The following INO80D variants were observed in gnomAD, a reference collection of about 807,000 sequenced individuals.
INO80D encodes the protein INO80 complex subunit D.
In INO80D, 21 loss-of-function variants were observed where a neutral mutation model predicts 87.6. That is an observed-to-expected ratio of 0.24 (90% CI 0.17 to 0.35). The LOEUF is 0.35. Among genes scored for constraint, INO80D ranks in the 10% least tolerant of loss-of-function variants. The pLI is 1.00. For synonymous variants in INO80D, 440 were observed against 491.0 expected (o/e 0.90, Z 1.37); for missense variants, 982 against 1,280.7 (o/e 0.77, Z 3.56).
chr2:206,079,450 T>C (rs1244142982), intron 1 of INO80D, among the ~76,000 whole-genome samples: 1 of 152,176 alleles, frequency 6.6e-6, no homozygotes. Context: ...TAAGAACCAC[T>C]GACTAGCCCA....
At chr2:206,025,389 G>A (rs572036129) in intron 6 of INO80D, among the ~76,000 whole-genome samples, 12 of 150,958 alleles carry the variant, frequency 7.9e-5, no homozygotes, top group Admixed American at 2.0e-4. Context: ...TTAGCCAAGC[G>A]TGGTGGCGGG....
intron 7 of INO80D, 26 bp downstream of exon 7, chr2:206,019,710 C>A: frequency 6.4e-7 from 1 of 1,562,996 alleles, no homozygotes; most frequent in Non-Finnish European, 8.8e-7. Context: ...TTTTTCAATG[C>A]ACATTCCATT....
intron 5 of INO80D, among the ~76,000 whole-genome samples, chr2:206,034,503 T>C (rs1380378669): frequency 6.6e-6 from 1 of 152,120 alleles, no homozygotes; most frequent in African/African-American, 2.4e-5. Context: ...CACATGATCA[T>C]CTCAATAGAT....
intron 1 of INO80D, among the ~76,000 whole-genome samples, chr2:206,068,740 C>T (rs902005151): frequency 6.6e-6 from 1 of 151,986 alleles, no homozygotes; most frequent in Non-Finnish European, 1.5e-5. Context: ...CACTCTGTCA[C>T]CTAGGTTGGA....
At chr2:206,076,210 A>C (rs1690112244) in intron 1 of INO80D, among the ~76,000 whole-genome samples, 1 of 152,150 alleles carries the variant, frequency 6.6e-6, no homozygotes. Flanking sequence ...AAAATAAATA[A>C]AACTAACATG....
intron 6 of INO80D, among the ~76,000 whole-genome samples, chr2:206,026,046 C>T (rs1403776270): frequency 1.3e-5 from 2 of 151,920 alleles, no homozygotes; most frequent in Non-Finnish European, 2.9e-5. Context: ...TACAGGTGCA[C>T]GCCACCACAC....
At chr2:206,023,949 A>G (rs1007940142) in intron 6 of INO80D, among the ~76,000 whole-genome samples, 2 of 152,188 alleles carry the variant, frequency 1.3e-5, no homozygotes, top group African/African-American at 4.8e-5. Flanking sequence ...AGATATATAC[A>G]GTTTTCCACA....
rs1687862190 is a variant in INO80D at position 205,999,198 on chromosome 2, C to T, written c.*5170G>A. 6.6e-6 allele frequency: 1 copy of T among 152,280 alleles called. No individual in the cohort carries two copies. Among genetic ancestry groups the T allele is most frequent in the African/African-American group, 2.4e-5 (1 of 41,398 alleles). The allele number at this position is 152,280 out of a possible 1,614,324, so 9.4% of individuals were successfully genotyped here. ...AGCTTAAAAAACAAACAAACAAAAACAAACAAACGAAGAAAAAAGAAACAA... is the reference window on the plus strand; with the variant it reads ...AGCTTAAAAAACAAACAAACAAAAATAAACAAACGAAGAAAAAAGAAACAA... On this transcript the variant is annotated 3_prime_UTR_variant, in exon 11 of 11. Coordinates refer to ENST00000403263, the MANE Select transcript of INO80D (RefSeq NM_017759.5).
At chr2:206,035,223 C>T (rs751494818) in intron 5 of INO80D, among the ~76,000 whole-genome samples, 7 of 151,976 alleles carry the variant, frequency 4.6e-5, no homozygotes, top group Admixed American at 2.6e-4. Flanking sequence ...TCATTCTTCA[C>T]AAAATTAGAA....
At chr2:206,050,934 AC>A (rs1231567258) in intron 4 of INO80D, among the ~76,000 whole-genome samples, 2 of 151,818 alleles carry the variant, frequency 1.3e-5, no homozygotes, top group Admixed American at 1.3e-4. Flanking sequence ...CCGCCACTGC[AC>A]TACAGCCCGG....
At chr2:206,037,635 A>G (rs566465894) in intron 5 of INO80D, among the ~76,000 whole-genome samples, 79 of 152,334 alleles carry the variant, frequency 5.2e-4, no homozygotes, top group African/African-American at 1.8e-3. Flanking sequence ...TGTAATTAGT[A>G]CAGCCTCTAT....
chr2:206,080,683 G>A (rs547407177), intron 1 of INO80D, among the ~76,000 whole-genome samples: 4 of 151,986 alleles, frequency 2.6e-5, no homozygotes, highest in South Asian at 4.1e-4. Context: ...CAAGGCGGGC[G>A]GATCACGAGG....
chr2:206,041,472 C>T (rs1028647378), intron 5 of INO80D, among the ~76,000 whole-genome samples: 1 of 152,058 alleles, frequency 6.6e-6, no homozygotes, highest in Non-Finnish European at 1.5e-5. Context: ...ATATAGAGGA[C>T]CATTTTATAA....
rs775540134 is a variant in INO80D at position 206,005,077 on chromosome 2, T to G, written c.2375A>C (p.His792Pro). The change falls in exon 11 of 11, where the codon CAT becomes CCT. Residue 792 changes from histidine (H) to proline (P), a missense_variant. By Grantham distance (77) the His-to-Pro change is moderately conservative. Transcript: ENST00000403263. ...GQFHGLHDGS[H>P]ASQRPHPAQL... ...GGCAGGATGTGGCCTCTGGGAGGCATGGCTGCCGTCATGAAGTCCATGAAA... is the reference window on the plus strand; with the variant it reads ...GGCAGGATGTGGCCTCTGGGAGGCAGGGCTGCCGTCATGAAGTCCATGAAA... The G allele has an allele frequency of 6.2e-7, 1 of 1,613,976 alleles. No individual in the cohort carries two copies.
At chr2:206,037,013 G>C (rs1010317684) in intron 5 of INO80D, among the ~76,000 whole-genome samples, 2 of 152,126 alleles carry the variant, frequency 1.3e-5, no homozygotes, top group African/African-American at 4.8e-5. Context: ...ATGAAGAGTA[G>C]AGAATTGAGA....
Position 206,009,808 on chromosome 2 carries a change from A to T in INO80D, c.1543-14T>A. 6.3e-7 allele frequency: 1 copy of T among 1,585,522 alleles called. No individual in the cohort carries two copies. Among genetic ancestry groups the T allele is most frequent in the Non-Finnish European group, 8.6e-7 (1 of 1,163,430 alleles). ...CAAGAAATTATCCTTTGGAATGAAT[A>T]AATAGGCTTTTAAATTGAGATTATC... On this transcript the variant is annotated splice_polypyrimidine_tract_variant and intron_variant, in intron 8 of 10. Coordinates refer to ENST00000403263, the MANE Select transcript of INO80D (RefSeq NM_017759.5).
chr2:205,997,390 T>C lies in INO80D; in HGVS notation c.*6978A>G, dbSNP rs762126680. The C allele has an allele frequency of 1.3e-5, 2 of 151,992 alleles. No homozygotes were observed. The highest frequency in any genetic ancestry group is 2.9e-5 in the Non-Finnish European group (2 of 67,954). The allele number at this position is 151,992 out of a possible 1,614,324, so 9.4% of individuals were successfully genotyped here. A position where few individuals can be genotyped will look rare whatever the true frequency, so the allele number is the denominator to read the frequency against. ...GGAAATAAATGAAATCACCCCAGCT[T>C]TGAAATATGCACGGTGAAATGATCC... On this transcript the variant is annotated 3_prime_UTR_variant, in exon 11 of 11. Coordinates refer to ENST00000403263, the MANE Select transcript of INO80D (RefSeq NM_017759.5).
chr2:206,071,568 C>G (rs1182244198), intron 1 of INO80D, among the ~76,000 whole-genome samples: 3 of 144,886 alleles, frequency 2.1e-5, no homozygotes, highest in African/African-American at 7.7e-5. Flanking sequence ...TCTAGTCTTT[C>G]TTCATTTTTA....
rs1357554386 is a variant in INO80D at position 206,056,541 on chromosome 2, C to T, written c.621G>A (p.Gln207=). 1.9e-6 allele frequency: 3 copies of T among 1,613,030 alleles called. No individual in the cohort carries two copies. The highest frequency in any genetic ancestry group is 2.5e-6 in the Non-Finnish European group (3 of 1,179,466). The change falls in exon 4 of 11, where the codon CAG becomes CAA. Residue 207 remains glutamine (Q), a synonymous_variant. Transcript: ENST00000403263. ...PPAPSQQQPP[Q]QHSHLSPLST... ...ATAAAGGTGACAGGTGGGAGTGCTG[C>T]TGCGGAGGCTGCTGCTGTGAAGGTG... is the stretch of plus-strand genomic sequence containing the variant.
Sources: gnomAD v4.1 joint callset for allele counts (sites outside exome capture counted in the v4.1 genomes callset) on GRCh38, gnomAD v4.1.1 for gene constraint, MANE v1.5 for transcripts, NCBI Gene and HGNC (gene_info 2026-07-23, HGNC 2026-07-21) for gene names.